PROSER2: variants seen among roughly 807,000 people sequenced by gnomAD.
PROSER2 encodes the protein proline and serine-rich protein 2.
A neutral mutation model predicts 14.6 loss-of-function variants in PROSER2; 18 were observed. The observed-to-expected ratio is 1.23, with a 90% CI of 0.85 to 1.83. The LOEUF is 1.83. Ranked by LOEUF, PROSER2 falls within the 40% of genes most tolerant of loss-of-function variation. The probability of loss-of-function intolerance (pLI) is 0.00; values close to 1 mark genes in which losing one functional copy is unlikely to be tolerated. For missense variants in PROSER2, 823 were observed against 629.8 expected, an observed-to-expected ratio of 1.31 and a Z score of -3.28; for synonymous variants, 367 against 286.4, an observed-to-expected ratio of 1.28 and a Z score of -2.84.
intron 1 of PROSER2, 55 bp from the exon 2 acceptor site, chr10:11,851,941 AG>A: frequency 1.2e-6 from 1 of 827,748 alleles, no homozygotes; most frequent in Non-Finnish European, 1.7e-6. Context: ...TGAGGGATTG[AG>A]GCGTTTTACA....
At chr10:11,826,185 G>T (rs377700854) in intron 1 of PROSER2, among the ~76,000 whole-genome samples, 17 of 152,208 alleles carry the variant, frequency 1.1e-4, no homozygotes, top group African/African-American at 3.9e-4. Context: ...AGGTCCGTCC[G>T]TGTCGCGGCG....
chr10:11,849,865 G>C (rs1833986101), intron 1 of PROSER2: 1 of 152,292 alleles, frequency 6.6e-6, no homozygotes, highest in African/African-American at 2.4e-5. Flanking sequence ...GAGGTGGTTA[G>C]CATTTGAACG....
chr10:11,852,317 C>A, intron 2 of PROSER2, 102 bp downstream of exon 2: 1 of 1,273,662 alleles, frequency 7.9e-7, no homozygotes, highest in Non-Finnish European at 1.1e-6. Context: ...CTTTTTGGGT[C>A]AACTAGCTTG....
intron 1 of PROSER2, among the ~76,000 whole-genome samples, chr10:11,845,588 G>C (rs1158443914): frequency 6.6e-6 from 1 of 152,146 alleles, no homozygotes; most frequent in Non-Finnish European, 1.5e-5. Flanking sequence ...AAGCAACAGA[G>C]GATGGTTCGG....
At position 11,838,937 on chromosome 10, in the gene PROSER2, C is replaced by G. The variant is rs1371836095; in HGVS notation, c.-81-13060C>G. ...TCTTCTATGAGCTGGCAGCTTTTCT[C>G]TTAATATTGTCTATGGTGTCCTTAA... On this transcript the variant is annotated intron_variant, in intron 1 of 3. Coordinates refer to ENST00000277570, the MANE Select transcript of PROSER2 (RefSeq NM_153256.4). This position sits in a 1 kb window ranked among gnomAD's most constrained non-coding sequence, Gnocchi z 4.4. Among the ~76,000 whole-genome samples the G allele has an allele frequency of 6.6e-6, 1 of 152,166 alleles. No individual in the cohort carries two copies. Among genetic ancestry groups the G allele is most frequent in the East Asian group, 1.9e-4 (1 of 5,204 alleles).
intron 1 of PROSER2, among the ~76,000 whole-genome samples, chr10:11,827,311 C>T (rs1833629134): frequency 6.6e-6 from 1 of 152,092 alleles, no homozygotes; most frequent in Non-Finnish European, 1.5e-5. Context: ...GCTTGTTGGC[C>T]ACATCTTCTT....
chr10:11,858,384 T>A (rs183961768), intron 2 of PROSER2, among the ~76,000 whole-genome samples: 1 of 152,344 alleles, frequency 6.6e-6, no homozygotes, highest in East Asian at 1.9e-4. Context: ...TGCTGTTTTT[T>A]AAAAAGTTGT....
intron 1 of PROSER2, among the ~76,000 whole-genome samples, chr10:11,847,031 C>T (rs1410228969): frequency 1.3e-5 from 2 of 151,754 alleles, no homozygotes; most frequent in Admixed American, 6.6e-5. Flanking sequence ...GGGTTACAGG[C>T]GTGAGCCACC....
chr10:11,828,690 G>A (rs1244255812), intron 1 of PROSER2, among the ~76,000 whole-genome samples: 2 of 152,286 alleles, frequency 1.3e-5, no homozygotes, highest in South Asian at 2.1e-4. Flanking sequence ...ACGACAGAGC[G>A]AGACTTTATC....
intron 2 of PROSER2, among the ~76,000 whole-genome samples, chr10:11,854,019 C>G (rs1332720373): frequency 6.6e-6 from 1 of 152,170 alleles, no homozygotes; most frequent in Non-Finnish European, 1.5e-5. Flanking sequence ...GTAAAGCCCA[C>G]TCATAGGACG....
Position 11,866,726 on chromosome 10 carries a change from C to T in PROSER2, c.334C>T (p.Gln112Ter), listed in dbSNP as rs748451682. ...SEPEDVIDLV[Q>*]PAPGAGEAEG... Reference sequence around the variant, plus strand: ...GCCTGAAGATGTCATCGACTTAGTGCAGCCAGCACCTGGCGCCGGGGAAGC... The same window carrying T: ...GCCTGAAGATGTCATCGACTTAGTGTAGCCAGCACCTGGCGCCGGGGAAGC... Residue 112 changes from glutamine (Q) to a stop codon, truncating the protein, a stop_gained, in exon 3 of 4, where the codon CAG becomes TAG. Coordinates refer to ENST00000277570, the MANE Select transcript of PROSER2 (RefSeq NM_153256.4). LOFTEE classifies it high-confidence loss of function. This position sits in a 1 kb window ranked among gnomAD's most constrained non-coding sequence, Gnocchi z 6.0. 1.9e-6 allele frequency: 3 copies of T among 1,613,752 alleles called. No individual in the cohort carries two copies. The highest frequency in any genetic ancestry group is 1.3e-5 in the African/African-American group (1 of 74,940).
rs1292045409 is a variant in PROSER2, at chr10:11,871,291, G to A, written c.*885G>A. On this transcript the variant is annotated 3_prime_UTR_variant, in exon 4 of 4. Coordinates refer to ENST00000277570, the MANE Select transcript of PROSER2 (RefSeq NM_153256.4). ...ATCCTGATGGATGATACAAGAAATTGTTACTTCCTAGTATGGAAGTGTCTT... is the reference window on the plus strand; with the variant it reads ...ATCCTGATGGATGATACAAGAAATTATTACTTCCTAGTATGGAAGTGTCTT... The A allele has an allele frequency of 6.6e-6, 1 of 152,194 alleles. No individual in the cohort carries two copies. 9.4% of individuals were successfully genotyped at this position (152,194 alleles called of 1,614,324 possible). A position where few individuals can be genotyped will look rare whatever the true frequency, so the allele number is the denominator to read the frequency against.
chr10:11,833,898 G>A (rs533002520), intron 1 of PROSER2, among the ~76,000 whole-genome samples: 9 of 151,274 alleles, frequency 5.9e-5, no homozygotes, highest in South Asian at 2.1e-4. Flanking sequence ...GACCATGTTC[G>A]GTAGAGTTTT....
chr10:11,857,830 ACT>A, intron 2 of PROSER2, among the ~76,000 whole-genome samples: 1 of 151,560 alleles, frequency 6.6e-6, no homozygotes, highest in Non-Finnish European at 1.5e-5. Context: ...CGGAAGAGAG[ACT>A]CTAAGTGCAG....
rs1403675944 is a variant in PROSER2 at position 11,834,786 on chromosome 10, G to C, written c.-82+11316G>C. On this transcript the variant is annotated intron_variant, in intron 1 of 3. Transcript: ENST00000277570. Reference sequence around the variant, plus strand: ...CACCTTGCCTGGCCTGTGGTATCAAGAGTAAACTGGGATTTTAGAAATGTT... The same window carrying C: ...CACCTTGCCTGGCCTGTGGTATCAACAGTAAACTGGGATTTTAGAAATGTT... Among the ~76,000 whole-genome samples the C allele has an allele frequency of 2.0e-5, 3 of 152,056 alleles. No individual in the cohort carries two copies. The East Asian group carries it at 5.8e-4, about 29-fold the overall frequency.
At chr10:11,847,574 C>T (rs982126197) in intron 1 of PROSER2, among the ~76,000 whole-genome samples, 4 of 152,176 alleles carry the variant, frequency 2.6e-5, no homozygotes, top group African/African-American at 4.8e-5. Context: ...CCTGCCACCA[C>T]GCCTGGCTAA....
chr10:11,824,369 C>T (rs1174507879), intron 1 of PROSER2, among the ~76,000 whole-genome samples: 1 of 152,140 alleles, frequency 6.6e-6, no homozygotes, highest in Non-Finnish European at 1.5e-5. Flanking sequence ...ATCGAAAGAC[C>T]AAACCAGGCG....
intron 1 of PROSER2, chr10:11,851,479 A>G (rs890047745): frequency 3.3e-5 from 5 of 152,262 alleles, no homozygotes; most frequent in African/African-American, 1.2e-4. Context: ...ACTGTAACAG[A>G]GCTGGAGAAG....
chr10:11,870,536 C>G lies in PROSER2; in HGVS notation c.*130C>G. On this transcript the variant is annotated 3_prime_UTR_variant, in exon 4 of 4. Transcript: ENST00000277570. ...GGAGCCCCTGCCCTCTGTGGCACAT[C>G]GGAGTCTAGAGGTGCCTGGCTGGGG... 1.2e-6 allele frequency: 1 copy of G among 806,896 alleles called. No homozygotes were observed. Among genetic ancestry groups the G allele is most frequent in the Non-Finnish European group, 1.8e-6 (1 of 553,668 alleles). The allele number at this position is 806,896 out of a possible 1,614,324, so 50.0% of individuals were successfully genotyped here.
Sources: gnomAD v4.1 joint callset for allele counts (sites outside exome capture counted in the v4.1 genomes callset) on GRCh38, gnomAD v4.1.1 for gene constraint, Gnocchi (gnomAD v3.1) non-coding constraint, MANE v1.5 for transcripts, NCBI Gene and HGNC (gene_info 2026-07-23, HGNC 2026-07-21) for gene names.